The following PPM1L variants were observed in gnomAD, a reference collection of about 807,000 sequenced individuals.
PPM1L encodes the protein protein phosphatase 1L.
Under a neutral mutation model 31.4 loss-of-function variants are expected in PPM1L, and 13 were observed. That is an observed-to-expected ratio of 0.41 (90% CI 0.27 to 0.66). The LOEUF (loss-of-function observed/expected upper bound fraction) is 0.66, where lower values mean the gene tolerates loss of function less well. PPM1L is among the 30% of genes least tolerant of loss of function. The pLI is 0.29. For synonymous variants in PPM1L, 184 were observed against 175.4 expected, an observed-to-expected ratio of 1.05 and a Z score of -0.39; for missense variants, 326 against 453.7, an observed-to-expected ratio of 0.72 and a Z score of 2.56.
chr3:160,868,256 C>T (rs1355980288), intron 1 of PPM1L, among the ~76,000 whole-genome samples: 2 of 152,156 alleles, frequency 1.3e-5, no homozygotes, highest in Non-Finnish European at 2.9e-5. Context: ...TCCCTCTATT[C>T]CCCCAGCTCT....
intron 2 of PPM1L, among the ~76,000 whole-genome samples, chr3:161,052,080 G>T (rs1288791179): frequency 6.6e-6 from 1 of 152,216 alleles, no homozygotes; most frequent in Admixed American, 6.5e-5. Flanking sequence ...GAGAGTTACT[G>T]TTCTCACTCA....
intron 1 of PPM1L, among the ~76,000 whole-genome samples, chr3:160,886,565 A>T (rs1038204974): frequency 1.3e-5 from 2 of 152,144 alleles, no homozygotes; most frequent in Admixed American, 6.5e-5. Context: ...AGCGAACCAG[A>T]TGAATACGGC....
intron 2 of PPM1L, among the ~76,000 whole-genome samples, chr3:161,057,583 G>A (rs758580222): frequency 2.0e-5 from 3 of 152,022 alleles, no homozygotes; most frequent in African/African-American, 4.8e-5. Flanking sequence ...GCTGCCTTTC[G>A]CTTGGCTTGT....
At chr3:161,012,810 G>A (rs1278263129) in intron 2 of PPM1L, among the ~76,000 whole-genome samples, 3 of 152,182 alleles carry the variant, frequency 2.0e-5, no homozygotes, top group African/African-American at 7.2e-5. Context: ...TTGTGTAGAG[G>A]TGTTTATATA....
chr3:161,055,208 T>G (rs113390193), intron 2 of PPM1L, among the ~76,000 whole-genome samples: 3,505 of 152,268 alleles, frequency 0.023, 140 homozygotes, highest in African/African-American at 0.079. Flanking sequence ...TGACAAGTCT[T>G]TCTATGCCAT....
Position 161,075,775 on chromosome 3 carries a change from A to G in PPM1L, c.*6618A>G, listed in dbSNP as rs1387099056. 6.6e-6 allele frequency: 1 copy of G among 152,212 alleles called. No homozygotes were observed. Among genetic ancestry groups the G allele is most frequent in the Non-Finnish European group, 1.5e-5 (1 of 68,030 alleles). 9.4% of individuals were successfully genotyped at this position (152,212 alleles called of 1,614,324 possible). ...TGTACTTACGCTCTTAGTGAAGGAG[A>G]TAACATTGAAGTGAGAAAATGAACA... On this transcript the variant is annotated 3_prime_UTR_variant, in exon 4 of 4. Transcript: ENST00000498165.
intron 1 of PPM1L, among the ~76,000 whole-genome samples, chr3:160,819,655 C>T (rs1305749430): frequency 6.6e-6 from 1 of 151,846 alleles, no homozygotes; most frequent in African/African-American, 2.4e-5. Flanking sequence ...CCAGAGGGGA[C>T]AATTAGTCAG....
intron 2 of PPM1L, among the ~76,000 whole-genome samples, chr3:161,063,348 C>T (rs548205253): frequency 6.6e-5 from 10 of 152,038 alleles, no homozygotes; most frequent in Admixed American, 2.0e-4. Flanking sequence ...CCCCCAAGGC[C>T]TTTTGTATTA....
At chr3:160,786,538 G>A (rs1407532031) in intron 1 of PPM1L, among the ~76,000 whole-genome samples, 3 of 150,782 alleles carry the variant, frequency 2.0e-5, no homozygotes, top group South Asian at 2.1e-4. Context: ...TTTTAATTAC[G>A]AGTAAAGTTG....
At chr3:161,006,138 T>C (rs570421300) in intron 2 of PPM1L, among the ~76,000 whole-genome samples, 1 of 152,034 alleles carries the variant, frequency 6.6e-6, no homozygotes, top group Non-Finnish European at 1.5e-5. Flanking sequence ...ATAAAGAAAA[T>C]GTGATATATA....
chr3:160,857,755 C>T (rs142647194), intron 1 of PPM1L, among the ~76,000 whole-genome samples: 1 of 152,282 alleles, frequency 6.6e-6, no homozygotes, highest in Non-Finnish European at 1.5e-5. Flanking sequence ...ATAATAAATG[C>T]TATTGTAGCG....
chr3:160,798,408 A>G (rs1433810324), intron 1 of PPM1L, among the ~76,000 whole-genome samples: 2 of 152,158 alleles, frequency 1.3e-5, no homozygotes, highest in Non-Finnish European at 2.9e-5. Context: ...GTTAAGAGAT[A>G]ATGTAGCTGG....
chr3:161,053,112 T>C (rs1052364845), intron 2 of PPM1L, among the ~76,000 whole-genome samples: 7 of 152,246 alleles, frequency 4.6e-5, no homozygotes, highest in Non-Finnish European at 1.0e-4. Context: ...GGTGCTTCTC[T>C]GGCTTATGTA....
intron 2 of PPM1L, among the ~76,000 whole-genome samples, chr3:160,989,949 G>A (rs1403330554): frequency 4.6e-5 from 7 of 151,664 alleles, no homozygotes; most frequent in Non-Finnish European, 1.0e-4. Flanking sequence ...ACAGGCATGA[G>A]CCAGTGCACC....
At chr3:160,811,159 A>C (rs1303035294) in intron 1 of PPM1L, among the ~76,000 whole-genome samples, 1 of 152,264 alleles carries the variant, frequency 6.6e-6, no homozygotes, top group African/African-American at 2.4e-5. Flanking sequence ...AATGCCTGAT[A>C]GCTTGTCAGA....
chr3:160,802,814 A>G (rs1170939156), intron 1 of PPM1L, among the ~76,000 whole-genome samples: 1 of 152,208 alleles, frequency 6.6e-6, no homozygotes, highest in Admixed American at 6.5e-5. Context: ...TTTAAAAGGT[A>G]CTTTTTTTAA....
intron 2 of PPM1L, among the ~76,000 whole-genome samples, chr3:161,003,011 T>G (rs1717556384): frequency 1.3e-5 from 2 of 150,832 alleles, no homozygotes; most frequent in Non-Finnish European, 1.5e-5. Context: ...GAATTGATTT[T>G]TGTATAAAGT....
chr3:160,960,666 A>G (rs942822260), intron 1 of PPM1L, among the ~76,000 whole-genome samples: 3 of 151,792 alleles, frequency 2.0e-5, no homozygotes, highest in Non-Finnish European at 2.9e-5. Flanking sequence ...TGATTGATTT[A>G]TTAACCTTAG....
intron 2 of PPM1L, among the ~76,000 whole-genome samples, chr3:160,964,596 G>A (rs1046292795): frequency 5.3e-5 from 8 of 151,978 alleles, no homozygotes; most frequent in Non-Finnish European, 8.8e-5. Flanking sequence ...AGGGTCAGCC[G>A]TATTCTAACT....
Sources: gnomAD v4.1 joint callset for allele counts (sites outside exome capture counted in the v4.1 genomes callset) on GRCh38, gnomAD v4.1.1 for gene constraint, MANE v1.5 for transcripts, NCBI Gene and HGNC (gene_info 2026-07-23, HGNC 2026-07-21) for gene names.